The following SUGCT variants were observed in gnomAD, a reference collection of about 807,000 sequenced individuals.
The protein encoded by SUGCT is succinyl-CoA:glutarate-CoA transferase, also known as succinyl-CoA:glutarate CoA-transferase.
Under a neutral mutation model 55.0 loss-of-function variants are expected in SUGCT, and 41 were observed. The observed-to-expected ratio is 0.74, with a 90% confidence interval of 0.58 to 0.97. SUGCT has a LOEUF of 0.97. Ranked by LOEUF, SUGCT falls within the 50% of genes least tolerant of loss-of-function variation. The probability of loss-of-function intolerance (pLI) is 0.00; values close to 1 mark genes in which losing one functional copy is unlikely to be tolerated. For missense variants in SUGCT, 568 were observed against 547.8 expected, an observed-to-expected ratio of 1.04 and a Z score of -0.37; for synonymous variants, 187 against 200.4, an observed-to-expected ratio of 0.93 and a Z score of 0.56.
At chr7:40,616,259 G>A (rs963713352) in intron 12 of SUGCT, among the ~76,000 whole-genome samples, 1 of 152,004 alleles carries the variant, frequency 6.6e-6, no homozygotes, top group East Asian at 1.9e-4. Flanking sequence ...TTAGTGGTGC[G>A]ATCTTGGCTC....
chr7:40,400,920 G>A (rs1233590374), intron 9 of SUGCT, among the ~76,000 whole-genome samples: 5 of 152,132 alleles, frequency 3.3e-5, no homozygotes, highest in Non-Finnish European at 2.9e-5. Flanking sequence ...GAATGGTTTT[G>A]AACAAGGCCA....
At chr7:40,316,100 CAGTG>C (rs1246037651) in intron 8 of SUGCT, among the ~76,000 whole-genome samples, 18 of 152,096 alleles carry the variant, frequency 1.2e-4, no homozygotes, top group Non-Finnish European at 2.6e-4. Flanking sequence ...TCGAGTATGA[CAGTG>C]AGCACATGGG....
At chr7:40,928,883 G>A in the SUGCT span, among the ~76,000 whole-genome samples, 1 of 152,054 alleles carries the variant, frequency 6.6e-6, no homozygotes, top group Admixed American at 6.6e-5. Flanking sequence ...ACAGGCATGA[G>A]CCACCCTGCC....
intron 9 of SUGCT, among the ~76,000 whole-genome samples, chr7:40,396,813 T>G (rs1471905553): frequency 6.6e-6 from 1 of 152,200 alleles, no homozygotes; most frequent in African/African-American, 2.4e-5. Context: ...TTCTCCCTCT[T>G]TTGTAAAATA....
At chr7:40,924,722 G>A in the SUGCT span, among the ~76,000 whole-genome samples, 1 of 152,270 alleles carries the variant, frequency 6.6e-6, no homozygotes, top group Non-Finnish European at 1.5e-5. Context: ...CAGATTTACA[G>A]TGTGCATAAC....
At chr7:40,521,668 A>AT (rs376793316) in intron 12 of SUGCT, among the ~76,000 whole-genome samples, 1 of 151,714 alleles carries the variant, frequency 6.6e-6, no homozygotes, top group African/African-American at 2.4e-5. Context: ...TTCTCATTTT[A>AT]TTTTTTTTAG....
At chr7:40,384,402 G>C (rs1330070088) in intron 9 of SUGCT, among the ~76,000 whole-genome samples, 2 of 152,110 alleles carry the variant, frequency 1.3e-5, no homozygotes, top group Non-Finnish European at 2.9e-5. Context: ...GTTTTGAAAG[G>C]CTTCACGGAT....
chr7:40,205,535 G>C (rs1030585820), intron 6 of SUGCT, among the ~76,000 whole-genome samples: 8 of 151,208 alleles, frequency 5.3e-5, no homozygotes, highest in African/African-American at 1.9e-4. Context: ...CAACTCCTTG[G>C]GAGGCTGAGG....
intron 9 of SUGCT, among the ~76,000 whole-genome samples, chr7:40,439,895 C>A (rs189236563): frequency 6.6e-6 from 1 of 152,086 alleles, no homozygotes; most frequent in Admixed American, 6.6e-5. Context: ...GCATTCTGTT[C>A]GCATCATGAC....
At chr7:41,009,196 A>G in the SUGCT span, among the ~76,000 whole-genome samples, 1 of 143,470 alleles carries the variant, frequency 7.0e-6, no homozygotes, top group Non-Finnish European at 1.5e-5. Flanking sequence ...CCTGGGTGAC[A>G]ATGTCTCTCT....
the SUGCT span, chr7:40,965,271 A>C: frequency 1.2e-4 from 18 of 152,266 alleles, no homozygotes; most frequent in East Asian, 2.7e-3. Flanking sequence ...AACTGACCAT[A>C]TCTCCCCTCT....
At chr7:41,006,177 T>A in the SUGCT span, among the ~76,000 whole-genome samples, 4 of 152,190 alleles carry the variant, frequency 2.6e-5, no homozygotes, top group Admixed American at 6.5e-5. Context: ...TTCAAGCGCT[T>A]TATCCTATCC....
At chr7:40,902,942 G>A in the SUGCT span, among the ~76,000 whole-genome samples, 1 of 152,290 alleles carries the variant, frequency 6.6e-6, no homozygotes, top group South Asian at 2.1e-4. Flanking sequence ...TGTTACAGAG[G>A]AGGGTCCAAG....
At chr7:40,483,333 T>G (rs1432160421) in intron 11 of SUGCT, among the ~76,000 whole-genome samples, 1 of 152,206 alleles carries the variant, frequency 6.6e-6, no homozygotes, top group Non-Finnish European at 1.5e-5. Flanking sequence ...TCTTCTCTAG[T>G]GTCTTCTGCT....
chr7:40,988,048 G>A, the SUGCT span, among the ~76,000 whole-genome samples: 1 of 151,652 alleles, frequency 6.6e-6, no homozygotes, highest in Non-Finnish European at 1.5e-5. Context: ...TTTCTAGAAG[G>A]TTTCACATGT....
intron 12 of SUGCT, among the ~76,000 whole-genome samples, chr7:40,636,902 G>C (rs1366388882): frequency 1.3e-5 from 2 of 152,170 alleles, no homozygotes; most frequent in Non-Finnish European, 2.9e-5. Context: ...TATTCAGAAA[G>C]ATATCCCTAA....
chr7:40,695,186 T>C (rs1231564129), intron 12 of SUGCT, among the ~76,000 whole-genome samples: 1 of 148,230 alleles, frequency 6.7e-6, no homozygotes, highest in Non-Finnish European at 1.5e-5. Flanking sequence ...TTTATTTATT[T>C]ATTTATTTAT....
chr7:40,869,780 A>G, the SUGCT span, among the ~76,000 whole-genome samples: 1 of 151,986 alleles, frequency 6.6e-6, no homozygotes, highest in Non-Finnish European at 1.5e-5. Flanking sequence ...TCTTTGTTTA[A>G]TTACCTTCAG....
chr7:40,557,539 G>A (rs1238116639), intron 12 of SUGCT, among the ~76,000 whole-genome samples: 5 of 152,088 alleles, frequency 3.3e-5, no homozygotes, highest in East Asian at 1.9e-4. Context: ...TTGGTATGCC[G>A]AGGTGGGCGG....
Sources: allele counts gnomAD v4.1 joint callset (sites outside exome capture counted in the v4.1 genomes callset), GRCh38; gene constraint gnomAD v4.1.1; transcripts MANE v1.5; gene names NCBI Gene and HGNC (gene_info 2026-07-23, HGNC 2026-07-21).